PCDHA5: variants seen among roughly 807,000 people sequenced by gnomAD.
The protein encoded by PCDHA5 is protocadherin alpha-5.
PCDHA5 carries 43 observed loss-of-function variants against 61.6 expected under a neutral mutation model. The observed-to-expected ratio is 0.70, with a 90% CI of 0.55 to 0.90. The LOEUF (loss-of-function observed/expected upper bound fraction) is 0.90, where lower values mean the gene tolerates loss of function less well. Among genes scored for constraint, PCDHA5 ranks in the 40% least tolerant of loss-of-function variants. The probability of loss-of-function intolerance (pLI) is 0.00; values close to 1 mark genes in which losing one functional copy is unlikely to be tolerated. For missense variants in PCDHA5, 1,298 were observed against 1,222.7 expected (o/e 1.06, Z -0.92); for synonymous variants, 627 against 543.9 (o/e 1.15, Z -2.13).
chr5:140,835,497 A>C, intron 1 of PCDHA5: 1 of 1,613,910 alleles, frequency 6.2e-7, no homozygotes. Flanking sequence ...CATCACATTG[A>C]TTAGCGTGTT....
chr5:140,824,004 G>A lies in PCDHA5; in HGVS notation c.2229G>A (p.Ala743=), dbSNP rs2150131362. The A allele has an allele frequency of 1.3e-5, 21 of 1,613,988 alleles. No individual in the cohort carries two copies. The African/African-American group carries it at 2.4e-4, about 18-fold the overall frequency. ...RGKPTLLCSS[A]VGSWSYSQQR... ...AGCCCACTCTGTTGTGCTCCAGCGC[G>A]GTGGGGAGCTGGTCGTACTCGCAGC... The change falls in exon 1 of 4, where the codon GCG becomes GCA. Residue 743 remains alanine (A), a synonymous_variant. Transcript: ENST00000529859.
intron 3 of PCDHA5, among the ~76,000 whole-genome samples, chr5:140,989,765 C>G (rs2097359812): frequency 6.6e-6 from 1 of 152,286 alleles, no homozygotes. Context: ...ATATTCAGTT[C>G]AAGCACTGGC....
intron 1 of PCDHA5, chr5:140,870,904 G>A (rs1554164810): frequency 1.9e-6 from 3 of 1,613,840 alleles, no homozygotes; most frequent in African/African-American, 2.7e-5. Context: ...TGCGGACTCA[G>A]GCTACAACGC....
intron 1 of PCDHA5, among the ~76,000 whole-genome samples, chr5:140,964,719 C>T (rs1042863318): frequency 1.3e-5 from 2 of 151,420 alleles, no homozygotes; most frequent in Non-Finnish European, 2.9e-5. Flanking sequence ...ATCAAATTAC[C>T]ACAGCAAACT....
At chr5:140,962,716 G>A (rs1268660102) in intron 1 of PCDHA5, among the ~76,000 whole-genome samples, 2 of 152,304 alleles carry the variant, frequency 1.3e-5, no homozygotes, top group East Asian at 3.9e-4. Context: ...ATATTGGAAA[G>A]TATTTTCCTT....
intron 1 of PCDHA5, among the ~76,000 whole-genome samples, chr5:140,918,473 T>A (rs1385942505): frequency 6.6e-6 from 1 of 152,166 alleles, no homozygotes; most frequent in African/African-American, 2.4e-5. Context: ...ATTCCAAGTC[T>A]CAAGGGGAAT....
At chr5:140,918,263 G>A (rs2078602453) in intron 1 of PCDHA5, among the ~76,000 whole-genome samples, 1 of 152,214 alleles carries the variant, frequency 6.6e-6, no homozygotes, top group East Asian at 1.9e-4. Context: ...TTTGCTGGAG[G>A]TTTTATCAGA....
intron 1 of PCDHA5, chr5:140,883,245 G>A (rs267600403): frequency 6.2e-7 from 1 of 1,613,898 alleles, no homozygotes; most frequent in Non-Finnish European, 8.5e-7. Flanking sequence ...GTTGACAAAG[G>A]AAATATTCCA....
chr5:140,975,679 A>G (rs1312259048), intron 1 of PCDHA5, among the ~76,000 whole-genome samples: 1 of 152,250 alleles, frequency 6.6e-6, no homozygotes, highest in Non-Finnish European at 1.5e-5. Context: ...TATTAATAAA[A>G]TAGGGTATTT....
intron 1 of PCDHA5, among the ~76,000 whole-genome samples, chr5:140,838,365 C>T (rs1775701079): frequency 6.7e-6 from 1 of 149,948 alleles, no homozygotes; most frequent in African/African-American, 2.5e-5. Context: ...CTCAAGTGAT[C>T]TGACTGCCTC....
In PCDHA5 at chr5:140,876,868, G is replaced by C. The variant is rs563777938; in HGVS notation, c.2352+52741G>C. On this transcript the variant is annotated intron_variant, in intron 1 of 3. Coordinates refer to ENST00000529859, the MANE Select transcript of PCDHA5 (RefSeq NM_018908.3). ...GCCCGAGTACACAGTGTTCGTGAAG[G>C]AGAACAACCCGCCGGGCTGCCACAT... is the stretch of plus-strand genomic sequence containing the variant. 6 of 1,614,160 alleles carry C rather than the reference G, an allele frequency of 3.7e-6. No homozygotes were observed. In the East Asian group the frequency reaches 1.3e-4, roughly 36 times the overall value.
At chr5:141,008,961 A>G (rs2098395078) in intron 3 of PCDHA5, among the ~76,000 whole-genome samples, 1 of 152,214 alleles carries the variant, frequency 6.6e-6, no homozygotes, top group Non-Finnish European at 1.5e-5. Context: ...ACATCCTAAT[A>G]CATTTATAGC....
rs576802253 is a variant in PCDHA5 at position 140,888,837 on chromosome 5, C to T, written c.2352+64710C>T. ...GATCTGTGATCACATCACTCCACTG[C>T]AGCCTGGTGACAGAGTGAGACCATG... is the stretch of plus-strand genomic sequence containing the variant. On this transcript the variant is annotated intron_variant, in intron 1 of 3. Coordinates refer to ENST00000529859, the MANE Select transcript of PCDHA5 (RefSeq NM_018908.3). Among the ~76,000 whole-genome samples, 5 of 152,130 alleles carry T rather than the reference C, an allele frequency of 3.3e-5. No individual in the cohort carries two copies. In the South Asian group the frequency reaches 1.0e-3, roughly 32 times the overall value.
At chr5:140,848,437 A>C in intron 1 of PCDHA5, 1 of 1,473,718 alleles carries the variant, frequency 6.8e-7, no homozygotes, top group Non-Finnish European at 9.3e-7. Context: ...ACGAAATCAG[A>C]TGATTTCTTC....
chr5:140,827,082 CTA>C (rs1169627536), intron 1 of PCDHA5, among the ~76,000 whole-genome samples: 2 of 152,100 alleles, frequency 1.3e-5, no homozygotes, highest in African/African-American at 2.4e-5. Context: ...ATTTAACAAA[CTA>C]TTTTCTAGGA....
At chr5:140,895,197 T>C (rs782373000) in intron 1 of PCDHA5, among the ~76,000 whole-genome samples, 2 of 152,182 alleles carry the variant, frequency 1.3e-5, no homozygotes, top group Non-Finnish European at 1.5e-5. Flanking sequence ...AAGTTTTGAA[T>C]TTGCTTTTAT....
At chr5:140,850,071 G>A (rs2150465789) in intron 1 of PCDHA5, 1 of 1,596,556 alleles carries the variant, frequency 6.3e-7, no homozygotes, top group Non-Finnish European at 8.6e-7. Flanking sequence ...GTTGGACCAC[G>A]AGGAGCTGGA....
intron 1 of PCDHA5, chr5:140,848,769 C>T: frequency 1.3e-6 from 2 of 1,593,410 alleles, no homozygotes; most frequent in Non-Finnish European, 1.7e-6. Flanking sequence ...TCGGATCGAC[C>T]GCGAGGAGCT....
chr5:140,873,025 C>T (rs1206957639), intron 1 of PCDHA5, among the ~76,000 whole-genome samples: 1 of 152,148 alleles, frequency 6.6e-6, no homozygotes, highest in African/African-American at 2.4e-5. Context: ...GTTATTCTTA[C>T]TACACGTAGA....
Sources: gnomAD v4.1 joint callset for allele counts (sites outside exome capture counted in the v4.1 genomes callset) on GRCh38, gnomAD v4.1.1 for gene constraint, MANE v1.5 for transcripts, NCBI Gene and HGNC (gene_info 2026-07-23, HGNC 2026-07-21) for gene names.